BEST3: variants seen among roughly 807,000 people sequenced by gnomAD.
The protein encoded by BEST3 is bestrophin 3.
In BEST3, 50 loss-of-function variants were observed where a neutral mutation model predicts 47.1. That is an observed-to-expected ratio of 1.06 (90% CI 0.85 to 1.34). The LOEUF is 1.34. Among genes scored for constraint, BEST3 ranks in the 40% most tolerant of loss-of-function variants. BEST3 has a pLI of 0.00. For synonymous variants in BEST3, 282 were observed against 298.8 expected (o/e 0.94, Z 0.58); for missense variants, 765 against 817.0 (o/e 0.94, Z 0.78).
At chr12:69,691,139 C>T (rs1012313253) in intron 4 of BEST3, among the ~76,000 whole-genome samples, 1 of 152,208 alleles carries the variant, frequency 6.6e-6, no homozygotes, top group Non-Finnish European at 1.5e-5. Context: ...AAAGTGGCTA[C>T]TGTGCTATGT....
In BEST3 at chr12:69,643,764, C is replaced by T; in HGVS notation, c.1124G>A (p.Trp375Ter). The T allele has an allele frequency of 2.8e-6, 2 of 715,748 alleles. No individual in the cohort carries two copies. Among genetic ancestry groups the T allele is most frequent in the East Asian group, 2.7e-5 (1 of 37,154 alleles). The allele number at this position is 715,748 out of a possible 1,614,324, so 44.3% of individuals were successfully genotyped here. A position where few individuals can be genotyped will look rare whatever the true frequency, so the allele number is the denominator to read the frequency against. Residue 375 changes from tryptophan (W) to a stop codon, truncating the protein, a stop_gained, in exon 10 of 10, where the codon TGG becomes TAG. Transcript: ENST00000331471. LOFTEE classifies it low-confidence loss of function (END_TRUNC). The stretch of plus-strand genomic sequence containing the variant: ...TGGGATTTTTATATCTTCCATCTTC[C>T]ACTCATTCTTAGGCATCTGTTTCCT...
At chr12:69,671,638 G>GT (rs952666454) in intron 8 of BEST3, 59 bp from the exon 9 acceptor site, 52 of 1,542,956 alleles carry the variant, frequency 3.4e-5, no homozygotes, top group Non-Finnish European at 4.2e-5. Context: ...AAAAGGAGAA[G>GT]TTTTTTTGGG....
chr12:69,672,031 T>C (rs1348039109), intron 8 of BEST3, among the ~76,000 whole-genome samples: 7 of 152,386 alleles, frequency 4.6e-5, no homozygotes, highest in African/African-American at 1.7e-4. Context: ...CCTGGTTTCT[T>C]GTTCATTTCT....
rs758352366 is a variant in BEST3, at chr12:69,671,497, C to T, written c.1031G>A (p.Arg344His). The T allele has an allele frequency of 1.5e-5, 24 of 1,613,792 alleles. No homozygotes were observed. The highest frequency in any genetic ancestry group is 8.8e-5 in the South Asian group (8 of 91,080). ...KDIYWDDSAA[R>H]PPYTLAAADY... The stretch of plus-strand genomic sequence containing the variant: ...AGCAGCTGCCAATGTGTATGGTGGG[C>T]GAGCAGCAGAATCGTCCCAGTAAAT... The change falls in exon 9 of 10, where the codon CGC becomes CAC. Residue 344 changes from arginine (R) to histidine (H), a missense_variant. Transcript: ENST00000330891.
At chr12:69,680,323 T>TTTTTTTTTTTTTTTTTTTTTTTTTTG in intron 4 of BEST3, among the ~76,000 whole-genome samples, 1 of 140,692 alleles carries the variant, frequency 7.1e-6, no homozygotes, top group African/African-American at 2.7e-5. Context: ...TTTTTTTTTT[T>TTTTTTTTTTTTTTTTTTTTTTTTTTG]TTTTAGATGG....
At chr12:69,673,060 G>A in intron 7 of BEST3, 95 bp from the exon 8 acceptor site, 9 of 934,808 alleles carry the variant, frequency 9.6e-6, no homozygotes, top group Non-Finnish European at 1.5e-5. Context: ...CTGCTTCCTT[G>A]TGTGACTTTC....
Position 69,655,068 on chromosome 12 carries a change from C to G in BEST3, c.1846G>C (p.Ala616Pro), listed in dbSNP as rs376356140. The G allele has an allele frequency of 4.3e-6, 7 of 1,614,064 alleles. No homozygotes were observed. In the East Asian group the frequency reaches 6.7e-5, roughly 15 times the overall value. The change falls in exon 10 of 10, where the codon GCT becomes CCT. Residue 616 changes from alanine (A) to proline (P), a missense_variant. Coordinates refer to ENST00000330891, the MANE Select transcript of BEST3 (RefSeq NM_032735.3). ...GATGTTTCTGTGTCAATTAAAAGAG[C>G]TGGCTGAGAGCTCATGGGGTCTGGA... is the stretch of plus-strand genomic sequence containing the variant. Reference protein sequence around the residue: ...LSPDPMSSQPALLIDTETSSE... With the variant: ...LSPDPMSSQPPLLIDTETSSE...
chr12:69,650,796 G>GCATT (rs1883182268), downstream of BEST3, among the ~76,000 whole-genome samples: 1 of 152,128 alleles, frequency 6.6e-6, no homozygotes, highest in Non-Finnish European at 1.5e-5. Flanking sequence ...ATGGTGATGA[G>GCATT]GCCTGGGATA....
rs752810197 is a variant in BEST3 at position 69,693,790 on chromosome 12, C to T, written c.365G>A (p.Arg122His). The T allele has an allele frequency of 2.5e-6, 4 of 1,614,156 alleles. No homozygotes were observed. The highest frequency in any genetic ancestry group is 3.3e-5 in the Admixed American group (2 of 60,034). ...GCGCATCAGCGTCCTTCTAAGCAGG[C>T]GCCCGTGCTCGTCGCTTCCGTGAAC... is the stretch of plus-strand genomic sequence containing the variant. ...SSVHGSDEHG[R>H]LLRRTLMRYV... Residue 122 changes from arginine to histidine, a missense_variant, in exon 4 of 10, where the codon CGC becomes CAC. Transcript: ENST00000330891.
rs765189718 is a variant in BEST3 at position 69,693,705 on chromosome 12, T to C, written c.450A>G (p.Arg150=). 6.2e-7 allele frequency: 1 copy of C among 1,612,796 alleles called. No individual in the cohort carries two copies. Among genetic ancestry groups the C allele is most frequent in the Admixed American group, 1.7e-5 (1 of 60,016 alleles). Residue 150 remains arginine, a synonymous_variant, in exon 4 of 10, where the codon AGA becomes AGG. Transcript: ENST00000330891. ...FRSVSTAVYK[R]FPTMDHVVEA... ...CAACCACGTGGTCCATTGTGGGAAA[T>C]CTTTTGTACACAGCAGTGCTCACCG...
At chr12:69,670,238 T>C (rs1565829260) in intron 9 of BEST3, 1 of 520,064 alleles carries the variant, frequency 1.9e-6, no homozygotes, top group Non-Finnish European at 3.4e-6. Context: ...CCATGGAAAC[T>C]GAGAATACAC....
At chr12:69,672,567 C>T (rs1884644958) in intron 8 of BEST3, among the ~76,000 whole-genome samples, 1 of 152,190 alleles carries the variant, frequency 6.6e-6, no homozygotes, top group Admixed American at 6.5e-5. Flanking sequence ...CTCTGGTTGG[C>T]AACAGAAAAC....
At chr12:69,649,081 G>T (rs886433493), downstream of BEST3, among the ~76,000 whole-genome samples, 2 of 152,154 alleles carry the variant, frequency 1.3e-5, no homozygotes, top group African/African-American at 4.8e-5. Flanking sequence ...TGCAACCTCT[G>T]CCTCCCGGGT....
intron 9 of BEST3, among the ~76,000 whole-genome samples, chr12:69,661,668 G>T (rs1883882158): frequency 6.6e-6 from 1 of 152,192 alleles, no homozygotes; most frequent in South Asian, 2.1e-4. Context: ...GAGCTGGGAG[G>T]TGTGGGGCTA....
intron 9 of BEST3, among the ~76,000 whole-genome samples, chr12:69,666,362 T>A (rs1884220359): frequency 6.6e-6 from 1 of 152,218 alleles, no homozygotes; most frequent in Non-Finnish European, 1.5e-5. Flanking sequence ...AAAAACAGCT[T>A]ACACTGGCAA....
At chr12:69,645,894 G>T (rs1883016771) in intron 9 of BEST3, among the ~76,000 whole-genome samples, 1 of 151,856 alleles carries the variant, frequency 6.6e-6, no homozygotes, top group African/African-American at 2.4e-5. Flanking sequence ...CCTCCTCCAG[G>T]TATAGAATCT....
At chr12:69,645,978 C>A (rs1440308768) in intron 9 of BEST3, among the ~76,000 whole-genome samples, 2 of 152,124 alleles carry the variant, frequency 1.3e-5, no homozygotes, top group Non-Finnish European at 2.9e-5. Context: ...GCTCTGTCAC[C>A]CAGGCTGGAG....
intron 4 of BEST3, among the ~76,000 whole-genome samples, chr12:69,681,085 T>A (rs1267020034): frequency 7.2e-5 from 11 of 152,162 alleles, no homozygotes; most frequent in African/African-American, 2.4e-4. Flanking sequence ...GCTCTTTAAG[T>A]AGCTTTTAAA....
chr12:69,669,471 A>G (rs935410582), intron 9 of BEST3, among the ~76,000 whole-genome samples: 2 of 152,092 alleles, frequency 1.3e-5, no homozygotes, highest in East Asian at 3.9e-4. Context: ...GACAACTGAT[A>G]ATTTTTTGCT....
Sources: gnomAD v4.1 joint callset for allele counts (sites outside exome capture counted in the v4.1 genomes callset) on GRCh38, gnomAD v4.1.1 for gene constraint, MANE v1.5 for transcripts, NCBI Gene and HGNC (gene_info 2026-07-23, HGNC 2026-07-21) for gene names.